GDAP1: variants seen among roughly 807,000 people sequenced by gnomAD.
GDAP1 encodes ganglioside induced differentiation associated protein 1, also known as ganglioside-induced differentiation-associated protein 1.
A neutral mutation model predicts 40.1 loss-of-function variants in GDAP1; 34 were observed. The observed-to-expected ratio is 0.85, with a 90% CI of 0.64 to 1.13. The LOEUF is 1.13. GDAP1 is among the 50% of genes most tolerant of loss of function. GDAP1 has a pLI of 0.00. For missense variants in GDAP1, 374 were observed against 433.7 expected (o/e 0.86, Z 1.22); for synonymous variants, 170 against 157.4 (o/e 1.08, Z -0.60).
chr8:74,466,988 T>C (rs955557035), intron 2 of GDAP1, among the ~76,000 whole-genome samples: 35 of 152,310 alleles, frequency 2.3e-4, no homozygotes, highest in African/African-American at 7.9e-4. Flanking sequence ...TCCATAGCCC[T>C]AGTTAAGGGC....
rs576394059 is a variant in GDAP1, at chr8:74,407,095, T to G, written c.165+55774T>G. ...ATGTTATGTAATTTTTAGGCTTCAATTAACAGGAAGTACAAAAGAAAACTA... is the reference window on the plus strand; with the variant it reads ...ATGTTATGTAATTTTTAGGCTTCAAGTAACAGGAAGTACAAAAGAAAACTA... On this transcript the variant is annotated intron_variant, in intron 2 of 2. Transcript: ENST00000523640. Among the ~76,000 whole-genome samples, 17 of 150,142 alleles carry G rather than the reference T, an allele frequency of 1.1e-4. No individual in the cohort carries two copies. In the South Asian group the frequency reaches 2.9e-3, roughly 26 times the overall value.
chr8:74,487,386 A>G (rs1806789490), intron 2 of GDAP1, among the ~76,000 whole-genome samples: 1 of 152,154 alleles, frequency 6.6e-6, no homozygotes, highest in African/African-American at 2.4e-5. Context: ...CTGGCTTCCA[A>G]TATTGCATAG....
intron 2 of GDAP1, among the ~76,000 whole-genome samples, chr8:74,484,108 A>G (rs2128721827): frequency 6.6e-6 from 1 of 152,312 alleles, no homozygotes; most frequent in Non-Finnish European, 1.5e-5. Context: ...TTAAAATACT[A>G]ATTAAAATTA....
At chr8:74,373,096 C>G (rs1194104635) in intron 2 of GDAP1, among the ~76,000 whole-genome samples, 2 of 152,190 alleles carry the variant, frequency 1.3e-5, no homozygotes, top group African/African-American at 4.8e-5. Flanking sequence ...TCTGAGGGCT[C>G]TGTTCTGTTC....
intron 2 of GDAP1, among the ~76,000 whole-genome samples, chr8:74,402,676 A>G (rs6472845): frequency 0.5 from 74,348 of 149,738 alleles, 19,786 homozygotes; most frequent in African/African-American, 0.57. Flanking sequence ...GACTGGAGCT[A>G]TTCCTATTCG....
intron 4 of GDAP1, 112 bp from the exon 5 acceptor site, chr8:74,362,827 C>A: frequency 5.4e-5 from 9 of 167,292 alleles, no homozygotes; most frequent in East Asian, 4.2e-4. Flanking sequence ...TATTTCTTCT[C>A]GTTGTCTAAA....
intron 2 of GDAP1, among the ~76,000 whole-genome samples, chr8:74,457,102 T>C (rs192561989): frequency 2.0e-5 from 3 of 152,248 alleles, no homozygotes; most frequent in Non-Finnish European, 4.4e-5. Context: ...CTGTAATTCT[T>C]TTTATGTCTA....
intron 2 of GDAP1, among the ~76,000 whole-genome samples, chr8:74,375,326 C>CA (rs71269984): frequency 1.2e-4 from 18 of 146,850 alleles, no homozygotes; most frequent in South Asian, 2.2e-4. Flanking sequence ...GACTCTGTCT[C>CA]AAAAAAAAAA....
intron 2 of GDAP1, among the ~76,000 whole-genome samples, chr8:74,373,183 G>A (rs963568712): frequency 2.8e-4 from 43 of 152,116 alleles, no homozygotes; most frequent in Non-Finnish European, 1.0e-4. Context: ...TTTGAAGTCA[G>A]GTAGCATGAT....
At chr8:74,417,885 C>T (rs1336391448) in intron 2 of GDAP1, among the ~76,000 whole-genome samples, 2 of 151,710 alleles carry the variant, frequency 1.3e-5, no homozygotes, top group Non-Finnish European at 2.9e-5. Flanking sequence ...AATATCTATC[C>T]TACTTTTATA....
chr8:74,439,639 T>A (rs1806136990), intron 2 of GDAP1, among the ~76,000 whole-genome samples: 1 of 151,990 alleles, frequency 6.6e-6, no homozygotes, highest in African/African-American at 2.4e-5. Context: ...AATATTGTTT[T>A]CATTAATGCC....
chr8:74,396,824 A>G (rs1043629307), intron 2 of GDAP1, among the ~76,000 whole-genome samples: 2 of 152,170 alleles, frequency 1.3e-5, no homozygotes, highest in African/African-American at 2.4e-5. Context: ...ATATGTGTGC[A>G]TGTGTCTTTA....
intron 2 of GDAP1, among the ~76,000 whole-genome samples, chr8:74,416,001 C>T (rs1243043032): frequency 6.7e-6 from 1 of 149,898 alleles, no homozygotes; most frequent in East Asian, 1.9e-4. Context: ...TGGTTTCTGT[C>T]TCTGCAGGGA....
intron 2 of GDAP1, among the ~76,000 whole-genome samples, chr8:74,424,437 A>G (rs1426038823): frequency 1.3e-5 from 2 of 152,152 alleles, no homozygotes; most frequent in Non-Finnish European, 2.9e-5. Flanking sequence ...TTGTCCTTTA[A>G]TGTAAATTCC....
chr8:74,473,014 T>C (rs886920583), intron 2 of GDAP1, among the ~76,000 whole-genome samples: 1 of 152,130 alleles, frequency 6.6e-6, no homozygotes, highest in Non-Finnish European at 1.5e-5. Context: ...GCTCCCAAAA[T>C]GTTGGGATTA....
intron 2 of GDAP1, among the ~76,000 whole-genome samples, chr8:74,404,914 G>A (rs1459956394): frequency 6.7e-6 from 1 of 149,828 alleles, no homozygotes; most frequent in Non-Finnish European, 1.5e-5. Flanking sequence ...TGTAGTATTT[G>A]CTTAAAATCC....
At chr8:74,444,861 T>C (rs973039817) in intron 2 of GDAP1, among the ~76,000 whole-genome samples, 6 of 152,178 alleles carry the variant, frequency 3.9e-5, no homozygotes, top group African/African-American at 1.4e-4. Context: ...AAATATATAT[T>C]CCATTACCTC....
chr8:74,421,794 G>A (rs1421811585), intron 2 of GDAP1, among the ~76,000 whole-genome samples: 2 of 152,136 alleles, frequency 1.3e-5, no homozygotes, highest in Non-Finnish European at 2.9e-5. Context: ...CAACTGATAC[G>A]CAGTTTGGCA....
In GDAP1 at chr8:74,404,549, A is replaced by G. The variant is rs188622208; in HGVS notation, c.165+53228A>G. ...AAAGCTGAGTCACTCACCTAAGGTC[A>G]CATGGCTACTCGGTGTGGAGTGAAG... On this transcript the variant is annotated intron_variant, in intron 2 of 2. Transcript: ENST00000523640. Among the ~76,000 whole-genome samples the G allele has an allele frequency of 2.7e-5, 4 of 149,990 alleles. No homozygotes were observed. The East Asian group carries it at 5.8e-4, about 22-fold the overall frequency.
Sources: allele counts gnomAD v4.1 joint callset (sites outside exome capture counted in the v4.1 genomes callset), GRCh38; gene constraint gnomAD v4.1.1; transcripts MANE v1.5; gene names NCBI Gene and HGNC (gene_info 2026-07-23, HGNC 2026-07-21).